The following ARHGAP39 variants were observed in gnomAD, a reference collection of about 807,000 sequenced individuals.
ARHGAP39 encodes the protein Rho GTPase activating protein 39, also known as rho GTPase-activating protein 39.
In ARHGAP39, 44 loss-of-function variants were observed where a neutral mutation model predicts 106.9. The ratio of observed to expected loss-of-function variants is 0.41; its 90% confidence interval spans 0.32 to 0.53. The LOEUF is 0.53. ARHGAP39 is among the 20% of genes least tolerant of loss of function. The probability of loss-of-function intolerance (pLI) is 0.21; values close to 1 mark genes in which losing one functional copy is unlikely to be tolerated. For missense variants in ARHGAP39, 1,496 were observed against 1,577.3 expected (o/e 0.95, Z 0.87); for synonymous variants, 768 against 693.2 (o/e 1.11, Z -1.69).
At chr8:144,592,797 C>T (rs1356547817) in intron 2 of ARHGAP39, among the ~76,000 whole-genome samples, 1 of 152,198 alleles carries the variant, frequency 6.6e-6, no homozygotes, top group Non-Finnish European at 1.5e-5. Flanking sequence ...GCGACCTGGC[C>T]TCAGGGGTCC....
At chr8:144,602,395 G>T (rs574400481) in intron 2 of ARHGAP39, among the ~76,000 whole-genome samples, 10 of 146,648 alleles carry the variant, frequency 6.8e-5, no homozygotes, top group African/African-American at 2.0e-4. Flanking sequence ...CTGTGTGTGT[G>T]CGTGGAGGCG....
chr8:144,677,692 C>A (rs997258), intron 1 of ARHGAP39, among the ~76,000 whole-genome samples: 95,237 of 151,994 alleles, frequency 0.63, 31,566 homozygotes, highest in African/African-American at 0.86. Context: ...AGGAAAAAAA[C>A]AGAATACATA....
chr8:144,604,212 C>CG lies in ARHGAP39; in HGVS notation c.80+1322dup, dbSNP rs1404477343. On this transcript the variant is annotated intron_variant, in intron 2 of 11. Coordinates refer to ENST00000377307, the MANE Select transcript of ARHGAP39 (RefSeq NM_025251.3). This position sits in a 1 kb window ranked among gnomAD's most constrained non-coding sequence, Gnocchi z 4.1. Reference sequence around the variant, plus strand: ...TGGCCGGGAGGCAGCAGCTGCACCTCGGGGGGTGCGGGCGAGGCCTCTGTC... The same window carrying CG: ...TGGCCGGGAGGCAGCAGCTGCACCTCGGGGGGGTGCGGGCGAGGCCTCTGTC... 6.6e-6 allele frequency among the ~76,000 whole-genome samples: 1 copy of CG among 152,104 alleles called. No homozygotes were observed. Among genetic ancestry groups the CG allele is most frequent in the South Asian group, 2.1e-4 (1 of 4,828 alleles).
chr8:144,661,613 T>G (rs1821824438), intron 1 of ARHGAP39, among the ~76,000 whole-genome samples: 1 of 152,138 alleles, frequency 6.6e-6, no homozygotes, highest in African/African-American at 2.4e-5. Flanking sequence ...CTCGAACTCC[T>G]GCCCTCAACT....
chr8:144,608,793 C>A (rs923206474), intron 1 of ARHGAP39, among the ~76,000 whole-genome samples: 1 of 152,182 alleles, frequency 6.6e-6, no homozygotes, highest in Admixed American at 6.5e-5. Context: ...GTGTACAAAT[C>A]TTGCACATAT....
chr8:144,548,372 A>G lies in ARHGAP39; in HGVS notation c.714T>C (p.Pro238=). The G allele has an allele frequency of 1.2e-6, 2 of 1,609,190 alleles. No homozygotes were observed. Among genetic ancestry groups the G allele is most frequent in the Non-Finnish European group, 1.7e-6 (2 of 1,178,220 alleles). ...QGNGYAPDGP[P]GVRSRRPSGS... The stretch of plus-strand genomic sequence containing the variant: ...CGGAGGGTCTGCGGGAGCGGACCCC[A>G]GGTGGGCCGTCTGGGGCGTAGCCAT... Residue 238 remains proline, a synonymous_variant, in exon 5 of 12, where the codon CCT becomes CCC. Coordinates refer to ENST00000377307, the MANE Select transcript of ARHGAP39 (RefSeq NM_025251.3). The surrounding 1 kb of genome is among the most constrained non-coding windows in gnomAD (Gnocchi z 7.4).
rs28406344 is a variant in ARHGAP39, at chr8:144,552,471, T to G, written c.596+3089A>C. Among the ~76,000 whole-genome samples, 379 of 152,330 alleles carry G rather than the reference T, an allele frequency of 2.5e-3. 2 individuals carry two copies. The highest frequency in any genetic ancestry group is 8.8e-3 in the African/African-American group (368 of 41,582). ...CAGAGTCCCTAAATACAGACACAGT[T>G]ATACTCACACAGAACAAGAAACCAT... On this transcript the variant is annotated intron_variant, in intron 4 of 11. Transcript: ENST00000377307.
chr8:144,612,153 C>A lies in ARHGAP39; in HGVS notation c.-81-6458G>T, dbSNP rs77475059. On this transcript the variant is annotated intron_variant, in intron 1 of 11. Coordinates refer to ENST00000377307, the MANE Select transcript of ARHGAP39 (RefSeq NM_025251.3). ...CCACGGCTGCGCCGCTGCACTCCAG[C>A]CAGGGCGACAGAGTGAGGTGAGCCA... Among the ~76,000 whole-genome samples, 217 of 151,428 alleles carry A rather than the reference C, an allele frequency of 1.4e-3. 1 individual carries two copies. The highest frequency in any genetic ancestry group is 5.0e-3 in the African/African-American group (207 of 41,186).
chr8:144,553,649 C>T (rs1277037887), intron 4 of ARHGAP39, among the ~76,000 whole-genome samples: 1 of 152,252 alleles, frequency 6.6e-6, no homozygotes, highest in Non-Finnish European at 1.5e-5. Flanking sequence ...AAGGTCTCAG[C>T]GACAGGATGA....
Position 144,647,001 on chromosome 8 carries a change from G to A in ARHGAP39, c.-82+38685C>T, listed in dbSNP as rs181311984. Among the ~76,000 whole-genome samples the A allele has an allele frequency of 2.3e-3, 310 of 137,064 alleles. 1 individual carries two copies. The highest frequency in any genetic ancestry group is 8.4e-3 in the African/African-American group (301 of 35,926). The allele number at this position is 137,064 out of a possible 152,430, so 89.9% of individuals were successfully genotyped here. A position where few individuals can be genotyped will look rare whatever the true frequency, so the allele number is the denominator to read the frequency against. On this transcript the variant is annotated intron_variant, in intron 1 of 11. Coordinates refer to ENST00000377307, the MANE Select transcript of ARHGAP39 (RefSeq NM_025251.3). This position sits in a 1 kb window ranked among gnomAD's most constrained non-coding sequence, Gnocchi z 4.8. ...TTTTTTTTTTTTGAGACAGAGTCTC[G>A]CTTTATAGCCAGGCTGGAGTACAAC...
rs1182587421 is a variant in ARHGAP39, at chr8:144,591,501, A to G, written c.81-10224T>C. Among the ~76,000 whole-genome samples, 1 of 152,134 alleles carries G rather than the reference A, an allele frequency of 6.6e-6. No homozygotes were observed. ...GGACCCTGAAGAAGGACTTGTTTGC[A>G]TCCCCTTCCACCATGATTGTTCCCT... On this transcript the variant is annotated intron_variant, in intron 2 of 11. Coordinates refer to ENST00000377307, the MANE Select transcript of ARHGAP39 (RefSeq NM_025251.3). This position sits in a 1 kb window ranked among gnomAD's most constrained non-coding sequence, Gnocchi z 5.3.
At chr8:144,698,642 C>T in the ARHGAP39 span, 2 of 280,592 alleles carry the variant, frequency 7.1e-6, no homozygotes, top group Non-Finnish European at 1.4e-5. Flanking sequence ...AAGTTTTCTA[C>T]TTTGGCTCAG....
intron 1 of ARHGAP39, among the ~76,000 whole-genome samples, chr8:144,659,630 C>T (rs745963810): frequency 5.9e-5 from 9 of 152,190 alleles, no homozygotes; most frequent in Non-Finnish European, 1.3e-4. Flanking sequence ...GGGACCTAAA[C>T]AAAGCAATCA....
At chr8:144,610,556 A>G (rs1457297641) in intron 1 of ARHGAP39, among the ~76,000 whole-genome samples, 2 of 152,012 alleles carry the variant, frequency 1.3e-5, no homozygotes, top group East Asian at 3.9e-4. Context: ...CTAAAAATAC[A>G]AAAAAGTTAG....
At chr8:144,683,650 T>C (rs1563737308) in intron 1 of ARHGAP39, among the ~76,000 whole-genome samples, 1 of 152,156 alleles carries the variant, frequency 6.6e-6, no homozygotes. Flanking sequence ...CCTGGCCATT[T>C]TTCTCTAAGA....
Position 144,591,366 on chromosome 8 carries a change from G to A in ARHGAP39, c.81-10089C>T, listed in dbSNP as rs113319577. On this transcript the variant is annotated intron_variant, in intron 2 of 11. Coordinates refer to ENST00000377307, the MANE Select transcript of ARHGAP39 (RefSeq NM_025251.3). This position sits in a 1 kb window ranked among gnomAD's most constrained non-coding sequence, Gnocchi z 5.3. ...CCAAGGAAACCCCAAGAAGGCACCT[G>A]CAAGCAGACATCTGCAGGAAACTTG... 0.031 allele frequency among the ~76,000 whole-genome samples: 4,663 copies of A among 152,282 alleles called. 238 individuals carry two copies. Among genetic ancestry groups the A allele is most frequent in the African/African-American group, 0.11 (4,391 of 41,538 alleles).
At chr8:144,601,500 G>A (rs1199412103) in intron 2 of ARHGAP39, among the ~76,000 whole-genome samples, 4 of 140,282 alleles carry the variant, frequency 2.9e-5, no homozygotes, top group Admixed American at 1.4e-4. Context: ...GTGTGTGTGT[G>A]CGTGGAGGCA....
Position 144,530,131 on chromosome 8 carries a change from C to A in ARHGAP39, c.*291G>T. ...GGCAGCGTCGCTCGGCTCCAGGACA[C>A]AGAAGGCACTTTCTCGGAGCTGACC... On this transcript the variant is annotated 3_prime_UTR_variant, in exon 12 of 12. Transcript: ENST00000377307. 4.5e-6 allele frequency: 2 copies of A among 448,868 alleles called. No homozygotes were observed. The highest frequency in any genetic ancestry group is 2.9e-5 in the South Asian group (1 of 33,906). The allele number at this position is 448,868 out of a possible 1,614,324, so 27.8% of individuals were successfully genotyped here.
intron 7 of ARHGAP39, among the ~76,000 whole-genome samples, chr8:144,534,636 C>G (rs1816881641): frequency 6.6e-6 from 1 of 152,234 alleles, no homozygotes; most frequent in Non-Finnish European, 1.5e-5. Context: ...TCCACCTACC[C>G]AGCACCCGCA....
Sources: allele counts gnomAD v4.1 joint callset (sites outside exome capture counted in the v4.1 genomes callset), GRCh38; gene constraint gnomAD v4.1.1; non-coding constraint Gnocchi (gnomAD v3.1); transcripts MANE v1.5; gene names NCBI Gene and HGNC (gene_info 2026-07-23, HGNC 2026-07-21).